The following ALG13 variants were observed in gnomAD, a reference collection of about 807,000 sequenced individuals.
ALG13 encodes the protein ALG13 UDP-N-acetylglucosaminyltransferase subunit.
Under a neutral mutation model 87.8 loss-of-function variants are expected in ALG13, and 11 were observed. The observed-to-expected ratio is 0.13, with a 90% CI of 0.08 to 0.21. The LOEUF is 0.21. Ranked by LOEUF, ALG13 falls within the 10% of genes least tolerant of loss-of-function variation. ALG13 has a pLI of 1.00. For synonymous variants in ALG13, 320 were observed against 306.3 expected (o/e 1.04, Z -0.47); for missense variants, 756 against 866.1 (o/e 0.87, Z 1.60).
intron 3 of ALG13, among the ~76,000 whole-genome samples, chrX:111,701,061 C>A (rs758437787): frequency 3.6e-5 from 4 of 111,010 alleles, no homozygotes; most frequent in Admixed American, 9.6e-5. Context: ...CAGGATAAAT[C>A]CCACTTGAGC....
intron 2 of ALG13, among the ~76,000 whole-genome samples, chrX:111,684,341 AG>A (rs1335301938): frequency 9.4e-6 from 1 of 106,412 alleles, no homozygotes; most frequent in East Asian, 2.9e-4. Flanking sequence ...TTTTTTTTTG[AG>A]GTGAGTTCTC....
At chrX:111,689,793 C>G in intron 3 of ALG13, 1 of 752,039 alleles carries the variant, frequency 1.3e-6, no homozygotes, top group Non-Finnish European at 1.6e-6. Flanking sequence ...ATGTTGTAAG[C>G]TTTTTGTTTC....
intron 11 of ALG13, among the ~76,000 whole-genome samples, chrX:111,721,044 A>G (rs1941346918): frequency 9.5e-6 from 1 of 105,430 alleles, no homozygotes; most frequent in Admixed American, 1.0e-4. Flanking sequence ...TGTTTTAATA[A>G]AGAACGACGT....
At chrX:111,740,033 A>T (rs1441110518) in intron 23 of ALG13, among the ~76,000 whole-genome samples, 1 of 111,377 alleles carries the variant, frequency 9.0e-6, no homozygotes, top group African/African-American at 3.3e-5. Context: ...GAGACATAAG[A>T]CGTGATGGTA....
intron 8 of ALG13, 100 bp from the exon 9 acceptor site, chrX:111,717,746 G>T (rs1335000712): frequency 5.4e-6 from 3 of 553,270 alleles, no homozygotes; most frequent in Non-Finnish European, 8.4e-6. Flanking sequence ...TTAGTTATCA[G>T]TTACTGACTA....
intron 2 of ALG13, among the ~76,000 whole-genome samples, chrX:111,683,513 T>C (rs1478351764): frequency 1.9e-5 from 2 of 107,847 alleles, no homozygotes; most frequent in Non-Finnish European, 3.8e-5. Flanking sequence ...TTTTTCTTTG[T>C]ATTTTAGTAG....
At chrX:111,708,663 A>G (rs546291420) in intron 4 of ALG13, among the ~76,000 whole-genome samples, 2 of 111,548 alleles carry the variant, frequency 1.8e-5, no homozygotes, top group African/African-American at 6.5e-5. Context: ...GGCTAAAGAC[A>G]ACTTTGAAAT....
intron 3 of ALG13, chrX:111,688,719 C>T (rs1935583002): frequency 1.3e-6 from 1 of 746,896 alleles, no homozygotes; most frequent in Non-Finnish European, 1.6e-6. Flanking sequence ...GAAACATTAA[C>T]TGTAACAGAA....
intron 3 of ALG13, among the ~76,000 whole-genome samples, chrX:111,685,495 C>T (rs1359758331): frequency 8.9e-6 from 1 of 112,024 alleles, no homozygotes; most frequent in African/African-American, 3.2e-5. Context: ...CCACTAAAAT[C>T]CCTAAATTAT....
chrX:111,696,078 C>G (rs1208040895), intron 3 of ALG13, among the ~76,000 whole-genome samples: 1 of 111,045 alleles, frequency 9.0e-6, no homozygotes, highest in Non-Finnish European at 1.9e-5. Flanking sequence ...GGTTCTGTTA[C>G]AAGTTGTTAT....
At chrX:111,750,097 T>C (rs1403369268) in intron 24 of ALG13, among the ~76,000 whole-genome samples, 1 of 112,007 alleles carries the variant, frequency 8.9e-6, no homozygotes, top group Non-Finnish European at 1.9e-5. Context: ...TACTCCTATG[T>C]GAACTCTATG....
At chrX:111,719,766 A>G (rs1360090368) in intron 10 of ALG13, among the ~76,000 whole-genome samples, 1 of 111,959 alleles carries the variant, frequency 8.9e-6, no homozygotes, top group African/African-American at 3.3e-5. Context: ...CAGCTCTGCT[A>G]CATTGCAGTG....
intron 13 of ALG13, 64 bp from the exon 14 acceptor site, chrX:111,723,734 G>T: frequency 3.0e-6 from 2 of 675,520 alleles, no homozygotes; most frequent in Non-Finnish European, 4.5e-6. Context: ...GGGAAAAGTG[G>T]TATTTTGTTT....
chrX:111,744,244 C>T (rs1944017791), intron 23 of ALG13, among the ~76,000 whole-genome samples: 1 of 111,695 alleles, frequency 9.0e-6, no homozygotes, highest in South Asian at 3.7e-4. Flanking sequence ...GTAGTCTGTG[C>T]ACTTTAATCC....
At chrX:111,741,195 C>T (rs1943706187) in intron 23 of ALG13, among the ~76,000 whole-genome samples, 1 of 111,720 alleles carries the variant, frequency 9.0e-6, no homozygotes, top group African/African-American at 3.3e-5. Flanking sequence ...AAAATCCAGA[C>T]TATGGGAAGC....
At chrX:111,758,225 T>C (rs2148517817) in intron 26 of ALG13, among the ~76,000 whole-genome samples, 1 of 112,160 alleles carries the variant, frequency 8.9e-6, no homozygotes, top group East Asian at 2.8e-4. Context: ...AAAACACTTC[T>C]GCATACTAAA....
intron 23 of ALG13, chrX:111,743,932 G>T (rs1029151059): frequency 9.0e-6 from 1 of 110,870 alleles, no homozygotes. Flanking sequence ...ACAAATTTGC[G>T]TGTTATGTCA....
chrX:111,683,793 G>T (rs1162406990), intron 2 of ALG13, among the ~76,000 whole-genome samples: 2 of 111,795 alleles, frequency 1.8e-5, no homozygotes, highest in African/African-American at 6.5e-5. Context: ...GCATATTCAT[G>T]GAGATCTATC....
chrX:111,700,826 C>T (rs1413406895), intron 3 of ALG13, among the ~76,000 whole-genome samples: 1 of 103,320 alleles, frequency 9.7e-6, no homozygotes, highest in Non-Finnish European at 2.0e-5. Flanking sequence ...CTCCTGACCT[C>T]GTGATCTGCC....
Sources: allele counts gnomAD v4.1 joint callset (sites outside exome capture counted in the v4.1 genomes callset), GRCh38; gene constraint gnomAD v4.1.1; transcripts MANE v1.5; gene names NCBI Gene and HGNC (gene_info 2026-07-23, HGNC 2026-07-21).